The following LYN variants were observed in gnomAD, a reference collection of about 807,000 sequenced individuals.
LYN encodes the protein tyrosine-protein kinase Lyn.
LYN carries 12 observed loss-of-function variants against 65.0 expected under a neutral mutation model. That is an observed-to-expected ratio of 0.18 (90% CI 0.12 to 0.30). The LOEUF (loss-of-function observed/expected upper bound fraction) is 0.30, where lower values mean the gene tolerates loss of function less well. Among genes scored for constraint, LYN ranks in the 10% least tolerant of loss-of-function variants. The probability of loss-of-function intolerance (pLI) is 1.00; values close to 1 mark genes in which losing one functional copy is unlikely to be tolerated. For synonymous variants in LYN, 222 were observed against 221.2 expected, an observed-to-expected ratio of 1.00 and a Z score of -0.03; for missense variants, 380 against 623.2, an observed-to-expected ratio of 0.61 and a Z score of 4.16.
chr8:55,912,259 A>G (rs1805658043), intron 1 of LYN, among the ~76,000 whole-genome samples: 1 of 152,260 alleles, frequency 6.6e-6, no homozygotes, highest in Non-Finnish European at 1.5e-5. Context: ...ATGCATTGCT[A>G]GGCATAATGA....
At position 56,012,716 on chromosome 8, in the gene LYN, CA is replaced by C. The variant is rs113224256; in HGVS notation, c.*2617del. The stretch of plus-strand genomic sequence containing the variant: ...CCTGGGCAAGAGTGAGACCCTGTCT[CA>C]AAAAAAAAAACCAAAAAAACAAAAA... On this transcript the variant is annotated 3_prime_UTR_variant, in exon 13 of 13. Transcript: ENST00000519728. 0.15 allele frequency: 21,650 copies of C among 140,742 alleles called. 3,461 individuals carry two copies. The highest frequency in any genetic ancestry group is 0.42 in the African/African-American group (16,437 of 39,116). 8.7% of individuals were successfully genotyped at this position (140,742 alleles called of 1,614,324 possible). A position where few individuals can be genotyped will look rare whatever the true frequency, so the allele number is the denominator to read the frequency against.
At chr8:55,927,360 T>G (rs913011588) in intron 1 of LYN, among the ~76,000 whole-genome samples, 8 of 152,188 alleles carry the variant, frequency 5.3e-5, no homozygotes, top group Admixed American at 2.0e-4. Context: ...CTTTTCAGAT[T>G]GGCTTCTTTC....
intron 10 of LYN, among the ~76,000 whole-genome samples, chr8:55,989,431 C>T (rs1808182542): frequency 6.6e-6 from 1 of 152,218 alleles, no homozygotes; most frequent in Non-Finnish European, 1.5e-5. Context: ...AGGCAACCCA[C>T]TTCTCAGTGG....
chr8:55,968,109 C>T (rs1263394806), intron 9 of LYN, among the ~76,000 whole-genome samples: 1 of 152,150 alleles, frequency 6.6e-6, no homozygotes, highest in Non-Finnish European at 1.5e-5. Context: ...GCTCTTGTGG[C>T]TTGGGTTGCC....
rs532554319 is a variant in LYN, at chr8:55,928,038, T to C, written c.-5-13817T>C. On this transcript the variant is annotated intron_variant, in intron 1 of 12. Transcript: ENST00000519728. ...TCATTTTATGTTCCCCAGCAATGAA[T>C]TGGAGTATCTGTTGCTCTGCCTCTT... Among the ~76,000 whole-genome samples the C allele has an allele frequency of 7.9e-5, 12 of 152,320 alleles. No individual in the cohort carries two copies. The South Asian group carries it at 2.5e-3, about 32-fold the overall frequency.
chr8:56,010,720 T>C lies in LYN; in HGVS notation c.*610T>C, dbSNP rs1808791205. On this transcript the variant is annotated 3_prime_UTR_variant, in exon 13 of 13. Coordinates refer to ENST00000519728, the MANE Select transcript of LYN (RefSeq NM_002350.4). Reference sequence around the variant, plus strand: ...AACATTTTTCTTCTATGAACACTGCTCAGACCTGCTAGACATGCCATAGGA... The same window carrying C: ...AACATTTTTCTTCTATGAACACTGCCCAGACCTGCTAGACATGCCATAGGA... The C allele has an allele frequency of 4.5e-6, 1 of 223,432 alleles. No individual in the cohort carries two copies. The highest frequency in any genetic ancestry group is 5.8e-5 in the Admixed American group (1 of 17,318). The allele number at this position is 223,432 out of a possible 1,614,324, so 13.8% of individuals were successfully genotyped here.
At chr8:56,007,067 G>GA (rs1156845908) in intron 12 of LYN, among the ~76,000 whole-genome samples, 10 of 151,394 alleles carry the variant, frequency 6.6e-5, no homozygotes, top group African/African-American at 1.7e-4. Context: ...CTGGAACCAG[G>GA]AAAAAAAAAT....
chr8:55,954,086 A>G lies in LYN; in HGVS notation c.790+102A>G, dbSNP rs1807032847. 18 of 1,257,636 alleles carry G rather than the reference A, an allele frequency of 1.4e-5. No homozygotes were observed. In the South Asian group the frequency reaches 1.9e-4, roughly 13 times the overall value. The allele number at this position is 1,257,636 out of a possible 1,614,324, so 77.9% of individuals were successfully genotyped here. A position where few individuals can be genotyped will look rare whatever the true frequency, so the allele number is the denominator to read the frequency against. On this transcript the variant is annotated intron_variant, in intron 8 of 12. Transcript: ENST00000519728. ...CAGCTTCTGAGCCAGACACTAAATTATGTCAGAAGCATCATTTATTTTGTT... is the reference window on the plus strand; with the variant it reads ...CAGCTTCTGAGCCAGACACTAAATTGTGTCAGAAGCATCATTTATTTTGTT...
chr8:55,999,772 G>A (rs184926837), intron 12 of LYN, among the ~76,000 whole-genome samples: 1 of 152,140 alleles, frequency 6.6e-6, no homozygotes, highest in Non-Finnish European at 1.5e-5. Context: ...GGGAGTTGGA[G>A]ACCAGACTGA....
chr8:56,008,123 A>AAAAAAAAAAT (rs145011760), intron 12 of LYN, among the ~76,000 whole-genome samples: 31,389 of 140,594 alleles, frequency 0.22, 3,829 homozygotes, highest in Middle Eastern at 0.29. Flanking sequence ...TGCCTCAAAA[A>AAAAAAAAAAT]AAAAATAAAA....
chr8:55,973,778 T>G (rs1229520770), intron 10 of LYN, among the ~76,000 whole-genome samples: 2 of 152,214 alleles, frequency 1.3e-5, no homozygotes, highest in Non-Finnish European at 2.9e-5. Flanking sequence ...GAGTTAAATG[T>G]CAGTAAAAAC....
intron 1 of LYN, among the ~76,000 whole-genome samples, chr8:55,888,459 C>T (rs1442777687): frequency 6.6e-6 from 1 of 152,124 alleles, no homozygotes; most frequent in African/African-American, 2.4e-5. Context: ...TCACAGGCAA[C>T]TTCTTGCCTA....
intron 1 of LYN, among the ~76,000 whole-genome samples, chr8:55,897,279 G>C (rs904153859): frequency 6.6e-6 from 1 of 152,116 alleles, no homozygotes; most frequent in Admixed American, 6.6e-5. Context: ...TCAGAGTTTA[G>C]ATTAAGAACA....
intron 1 of LYN, chr8:55,902,781 C>T (rs1415422040): frequency 9.7e-6 from 5 of 513,942 alleles, no homozygotes; most frequent in Non-Finnish European, 1.9e-5. Flanking sequence ...GAAGCATAAC[C>T]TATCTCAATT....
At chr8:55,946,318 C>T in intron 2 of LYN, 130 bp from the exon 3 acceptor site, 10 of 714,586 alleles carry the variant, frequency 1.4e-5, no homozygotes, top group Middle Eastern at 5.0e-4. Context: ...CTCTGTGCTC[C>T]TGTTCTTTCT....
At chr8:55,903,684 C>T (rs1415497245) in intron 1 of LYN, among the ~76,000 whole-genome samples, 4 of 152,026 alleles carry the variant, frequency 2.6e-5, no homozygotes, top group Non-Finnish European at 5.9e-5. Flanking sequence ...AACTTGTTAC[C>T]TATGTATGAT....
Position 55,952,182 on chromosome 8 carries a change from G to A in LYN, c.637+67G>A, listed in dbSNP as rs1386795760. The stretch of plus-strand genomic sequence containing the variant: ...TTATGATATGTATAAGACGTCAAAC[G>A]CTATTTTTATATTAAAACTTTTTAT... On this transcript the variant is annotated intron_variant, in intron 7 of 12. Transcript: ENST00000519728. 6.8e-6 allele frequency: 9 copies of A among 1,314,038 alleles called. No individual in the cohort carries two copies. The East Asian group carries it at 7.5e-5, about 11-fold the overall frequency. 81.4% of individuals were successfully genotyped at this position (1,314,038 alleles called of 1,614,324 possible).
intron 10 of LYN, among the ~76,000 whole-genome samples, chr8:55,976,099 A>T (rs1388119520): frequency 6.6e-6 from 1 of 152,088 alleles, no homozygotes; most frequent in Non-Finnish European, 1.5e-5. Flanking sequence ...GCTAGAATTC[A>T]ACTGAAGTGG....
At chr8:55,985,398 G>A (rs1351311971) in intron 10 of LYN, among the ~76,000 whole-genome samples, 1 of 152,060 alleles carries the variant, frequency 6.6e-6, no homozygotes, top group Non-Finnish European at 1.5e-5. Flanking sequence ...GCAAACACAT[G>A]GTATTTTGAA....
Sources: allele counts gnomAD v4.1 joint callset (sites outside exome capture counted in the v4.1 genomes callset), GRCh38; gene constraint gnomAD v4.1.1; transcripts MANE v1.5; gene names NCBI Gene and HGNC (gene_info 2026-07-23, HGNC 2026-07-21).